PLXNA4: variants seen among roughly 807,000 people sequenced by gnomAD.
PLXNA4 encodes the protein plexin-A4.
In PLXNA4, 44 loss-of-function variants were observed where a neutral mutation model predicts 191.8. The observed-to-expected ratio is 0.23, with a 90% CI of 0.18 to 0.29. The LOEUF (loss-of-function observed/expected upper bound fraction) is 0.29. Ranked by LOEUF, PLXNA4 falls within the 10% of genes least tolerant of loss-of-function variation. The pLI is 1.00. For synonymous variants in PLXNA4, 1,082 were observed against 1,009.5 expected (o/e 1.07, Z -1.36); for missense variants, 1,800 against 2,488.8 (o/e 0.72, Z 5.89).
At chr7:132,375,747 G>T (rs774543007) in intron 3 of PLXNA4, among the ~76,000 whole-genome samples, 34 of 152,172 alleles carry the variant, frequency 2.2e-4, no homozygotes, top group Admixed American at 3.9e-4. Context: ...CAGTCAAAAT[G>T]GTGGGGAAGA....
At chr7:132,604,581 T>C (rs1802888056) in intron 2 of PLXNA4, among the ~76,000 whole-genome samples, 2 of 152,214 alleles carry the variant, frequency 1.3e-5, no homozygotes, top group Admixed American at 1.3e-4. Flanking sequence ...CATCAACTTA[T>C]GTAATATAAG....
intron 3 of PLXNA4, among the ~76,000 whole-genome samples, chr7:132,336,454 C>A (rs1802819502): frequency 6.6e-6 from 1 of 152,180 alleles, no homozygotes; most frequent in African/African-American, 2.4e-5. Context: ...CATCCATAAC[C>A]TCTTCCTACT....
intron 2 of PLXNA4, among the ~76,000 whole-genome samples, chr7:132,500,906 G>A (rs1463510288): frequency 6.6e-6 from 1 of 152,202 alleles, no homozygotes; most frequent in Non-Finnish European, 1.5e-5. Flanking sequence ...AGCTGGGACT[G>A]GCTGAGACCC....
chr7:132,344,137 T>C (rs935927591), intron 3 of PLXNA4, among the ~76,000 whole-genome samples: 5 of 152,146 alleles, frequency 3.3e-5, no homozygotes, highest in Non-Finnish European at 7.3e-5. Flanking sequence ...GTTAAATGCC[T>C]TCTGGAAAGC....
chr7:132,282,200 GT>G (rs771405260), intron 4 of PLXNA4, among the ~76,000 whole-genome samples: 4 of 152,154 alleles, frequency 2.6e-5, no homozygotes, highest in African/African-American at 4.8e-5. Flanking sequence ...TGTGCACAAT[GT>G]GCAGGTTAGT....
intron 4 of PLXNA4, among the ~76,000 whole-genome samples, chr7:132,276,270 T>A (rs1026196): frequency 6.6e-6 from 1 of 152,130 alleles, no homozygotes. Context: ...GAAGAGTTTT[T>A]CTACCACCTT....
intron 3 of PLXNA4, among the ~76,000 whole-genome samples, chr7:132,317,972 C>T (rs1163681161): frequency 6.6e-6 from 1 of 152,232 alleles, no homozygotes; most frequent in Non-Finnish European, 1.5e-5. Flanking sequence ...AGAACATTCT[C>T]TGAGAGCGCA....
At chr7:132,611,643 A>G (rs1204963226) in intron 2 of PLXNA4, among the ~76,000 whole-genome samples, 1 of 152,210 alleles carries the variant, frequency 6.6e-6, no homozygotes, top group Non-Finnish European at 1.5e-5. Context: ...AAATCTCCCC[A>G]TAGGTAGAGT....
chr7:132,257,230 G>GACAA (rs1230501781), intron 4 of PLXNA4, among the ~76,000 whole-genome samples: 2 of 152,246 alleles, frequency 1.3e-5, no homozygotes, highest in African/African-American at 4.8e-5. Context: ...TGCCTAATTG[G>GACAA]TTGCAGAGGC....
chr7:132,218,704 G>C (rs1798047825), intron 9 of PLXNA4, among the ~76,000 whole-genome samples: 1 of 152,174 alleles, frequency 6.6e-6, no homozygotes, highest in Non-Finnish European at 1.5e-5. Context: ...TCAGTAGAGG[G>C]GTGGGCATGG....
chr7:132,193,971 G>C (rs1432741883), intron 14 of PLXNA4, 91 bp downstream of exon 14: 1 of 1,502,020 alleles, frequency 6.7e-7, no homozygotes, highest in Admixed American at 2.0e-5. Flanking sequence ...CTTGCCCTGG[G>C]TTTGCTCACA....
intron 9 of PLXNA4, among the ~76,000 whole-genome samples, chr7:132,217,664 A>G (rs957805586): frequency 2.6e-5 from 4 of 152,104 alleles, no homozygotes; most frequent in Admixed American, 2.6e-4. Context: ...AACGCATCAT[A>G]TATTTTCTTG....
chr7:132,464,168 G>A (rs77995503), intron 3 of PLXNA4, among the ~76,000 whole-genome samples: 1,645 of 152,320 alleles, frequency 0.011, 38 homozygotes, highest in African/African-American at 0.038. Context: ...ACGTGGTGCT[G>A]AGATGCGAAA....
At chr7:132,219,483 T>C (rs13240982) in intron 9 of PLXNA4, among the ~76,000 whole-genome samples, 16,089 of 152,194 alleles carry the variant, frequency 0.11, 1,370 homozygotes, top group East Asian at 0.38. Flanking sequence ...TTCTTCACCT[T>C]TAAACCTCTC....
chr7:132,185,157 G>T, intron 16 of PLXNA4, 142 bp downstream of exon 16: 3 of 1,286,260 alleles, frequency 2.3e-6, no homozygotes, highest in Non-Finnish European at 3.1e-6. Context: ...AGGAAGGTCT[G>T]ATTTGGGGGT....
intron 25 of PLXNA4, among the ~76,000 whole-genome samples, 159 bp from the exon 26 acceptor site, chr7:132,148,805 C>T (rs573776430): frequency 1.9e-4 from 29 of 152,262 alleles, no homozygotes; most frequent in African/African-American, 6.3e-4. Flanking sequence ...AAGCTCTCAA[C>T]GCAGAGAGGC....
In PLXNA4 at chr7:132,471,237, G is replaced by A. The variant is rs1585183816; in HGVS notation, c.1371+18055C>T. ...CTTCCTGAGGCGTGCCCAGAGCCAAGCAGATATACACCCTGTAGGACCATG... is the reference window on the plus strand; with the variant it reads ...CTTCCTGAGGCGTGCCCAGAGCCAAACAGATATACACCCTGTAGGACCATG... On this transcript the variant is annotated intron_variant, in intron 3 of 31. Transcript: ENST00000321063. Among the ~76,000 whole-genome samples, 3 of 152,144 alleles carry A rather than the reference G, an allele frequency of 2.0e-5. No individual in the cohort carries two copies. The East Asian group carries it at 5.8e-4, about 29-fold the overall frequency.
At chr7:132,314,591 G>A (rs1206496670) in intron 3 of PLXNA4, among the ~76,000 whole-genome samples, 5 of 152,112 alleles carry the variant, frequency 3.3e-5, no homozygotes, top group African/African-American at 4.8e-5. Context: ...GAGAGCTGAG[G>A]GTTGGAGAAT....
At chr7:132,171,065 C>T (rs1470546660) in intron 21 of PLXNA4, among the ~76,000 whole-genome samples, 5 of 152,224 alleles carry the variant, frequency 3.3e-5, no homozygotes, top group Non-Finnish European at 4.4e-5. Flanking sequence ...TCAGCCCGGG[C>T]CTCAATCTGC....
Sources: gnomAD v4.1 joint callset for allele counts (sites outside exome capture counted in the v4.1 genomes callset) on GRCh38, gnomAD v4.1.1 for gene constraint, MANE v1.5 for transcripts, NCBI Gene and HGNC (gene_info 2026-07-23, HGNC 2026-07-21) for gene names.